Variants in FAM169A observed in about 807,000 individuals in gnomAD.
The protein encoded by FAM169A is family with sequence similarity 169 member A, also known as soluble lamin-associated protein of 75 kDa.
In FAM169A, 24 loss-of-function variants were observed where a neutral mutation model predicts 75.7. The ratio of observed to expected loss-of-function variants is 0.32; its 90% CI spans 0.23 to 0.45. The LOEUF (loss-of-function observed/expected upper bound fraction) is 0.45, where lower values mean the gene tolerates loss of function less well. Among genes scored for constraint, FAM169A ranks in the 20% least tolerant of loss-of-function variants. The probability of loss-of-function intolerance (pLI) is 1.00; values close to 1 mark genes in which losing one functional copy is unlikely to be tolerated. For synonymous variants in FAM169A, 271 were observed against 271.0 expected (o/e 1.00, Z 0.00); for missense variants, 673 against 784.0 (o/e 0.86, Z 1.69).
At chr5:74,812,702 A>ATAAC (rs1238213296) in intron 6 of FAM169A, among the ~76,000 whole-genome samples, 1 of 152,230 alleles carries the variant, frequency 6.6e-6, no homozygotes, top group Admixed American at 6.5e-5. Flanking sequence ...AGATATACAA[A>ATAAC]TAACCATTAA....
chr5:74,864,879 A>C (rs925435136), intron 1 of FAM169A, among the ~76,000 whole-genome samples: 1 of 152,256 alleles, frequency 6.6e-6, no homozygotes, highest in Non-Finnish European at 1.5e-5. Flanking sequence ...GCAAAACTAA[A>C]ACACTAAAAA....
intron 10 of FAM169A, among the ~76,000 whole-genome samples, chr5:74,796,396 A>G (rs1218547186): frequency 2.0e-5 from 3 of 150,288 alleles, no homozygotes; most frequent in Non-Finnish European, 4.4e-5. Context: ...TATTCTATCC[A>G]TATCTTAATG....
chr5:74,797,817 T>C (rs979713278), intron 10 of FAM169A, among the ~76,000 whole-genome samples: 3 of 152,166 alleles, frequency 2.0e-5, no homozygotes, highest in Admixed American at 2.0e-4. Flanking sequence ...TCGTGGGCCA[T>C]ATGGTCTCTG....
chr5:74,815,718 C>A (rs548005843), intron 5 of FAM169A, among the ~76,000 whole-genome samples: 1 of 152,238 alleles, frequency 6.6e-6, no homozygotes, highest in East Asian at 1.9e-4. Flanking sequence ...GTCATAAACA[C>A]CCTGCTGATA....
intron 10 of FAM169A, chr5:74,799,975 C>T: frequency 1.2e-6 from 1 of 805,578 alleles, no homozygotes; most frequent in Admixed American, 1.7e-5. Flanking sequence ...AATAGCATCA[C>T]TCAAGTCTCT....
intron 6 of FAM169A, among the ~76,000 whole-genome samples, chr5:74,808,544 T>C (rs11739122): frequency 0.23 from 35,376 of 152,004 alleles, 4,339 homozygotes; most frequent in Middle Eastern, 0.31. Context: ...TTGAAAAGCT[T>C]TGGATATAGA....
At chr5:74,866,915 T>A (rs1054327645), upstream of FAM169A, 58 of 985,508 alleles carry the variant, frequency 5.9e-5, no homozygotes, top group Middle Eastern at 2.1e-3. Flanking sequence ...ATCCTAAACC[T>A]ACTGCCACTT....
chr5:74,801,600 G>GCTT lies in FAM169A; in HGVS notation c.939_941dup (p.Ala313_Ser314insArg). 1 of 1,608,360 alleles carries GCTT rather than the reference G, an allele frequency of 6.2e-7. No homozygotes were observed. Among genetic ancestry groups the GCTT allele is most frequent in the African/African-American group, 1.3e-5 (1 of 74,624 alleles). ...AGTTGAATTTCTTACCTTCGGAAGT[G>GCTT]CTTGCAAAGGCATCTTTTAGAGAAT... is the stretch of plus-strand genomic sequence containing the variant. On this transcript the variant is annotated inframe_insertion, in exon 9 of 13. Transcript: ENST00000687041.
intron 10 of FAM169A, among the ~76,000 whole-genome samples, chr5:74,798,659 A>G (rs1475719829): frequency 2.0e-5 from 3 of 152,362 alleles, no homozygotes; most frequent in South Asian, 4.1e-4. Context: ...ACTCAGGAAC[A>G]GTTGGCAGAA....
intron 5 of FAM169A, among the ~76,000 whole-genome samples, chr5:74,814,393 T>C (rs1472773231): frequency 6.6e-6 from 1 of 152,170 alleles, no homozygotes; most frequent in Non-Finnish European, 1.5e-5. Context: ...ATTTGAAGAC[T>C]ATCATTCCAA....
At position 74,781,706 on chromosome 5, in the gene FAM169A, A is replaced by G. The variant is rs1580066017; in HGVS notation, c.1767T>C (p.Ser589=). The G allele has an allele frequency of 4.0e-5, 64 of 1,613,942 alleles. No homozygotes were observed. The East Asian group carries it at 1.4e-3, about 35-fold the overall frequency. Residue 589 remains serine (S), a synonymous_variant, in exon 13 of 13, where the codon AGT becomes AGC. Transcript: ENST00000687041. Reference sequence around the variant, plus strand: ...CTTCAAGTTCAACCTCTATCAAAGAACTCTGAGGAAGAGCAGTAGATGTTT... The same window carrying G: ...CTTCAAGTTCAACCTCTATCAAAGAGCTCTGAGGAAGAGCAGTAGATGTTT... ...PQETSTALPQ[S]SLIEVELEDV...
intron 1 of FAM169A, among the ~76,000 whole-genome samples, chr5:74,857,601 A>AAAAC (rs1749790936): frequency 6.7e-6 from 1 of 150,122 alleles, no homozygotes; most frequent in Non-Finnish European, 1.5e-5. Context: ...AAAAAAAAAA[A>AAAAC]AAACTTCCCT....
Position 74,813,289 on chromosome 5 carries a change from A to C in FAM169A, c.670+551T>G, listed in dbSNP as rs58774313. ...AAAAACCACTGAATTGTACACTTTT[A>C]ACAGGGCAAATATTATGGCATATGT... On this transcript the variant is annotated intron_variant, in intron 6 of 12. Transcript: ENST00000687041. Among the ~76,000 whole-genome samples the C allele has an allele frequency of 5.2e-3, 796 of 152,200 alleles. 3 individuals are homozygous for C. Among genetic ancestry groups the C allele is most frequent in the African/African-American group, 0.018 (759 of 41,526 alleles).
chr5:74,863,372 T>C (rs1750141152), intron 1 of FAM169A, among the ~76,000 whole-genome samples: 2 of 152,188 alleles, frequency 1.3e-5, no homozygotes, highest in African/African-American at 4.8e-5. Flanking sequence ...CAAAAAATAA[T>C]GGCATGTGAA....
At chr5:74,811,052 G>A (rs1747169304) in intron 6 of FAM169A, among the ~76,000 whole-genome samples, 1 of 140,116 alleles carries the variant, frequency 7.1e-6, no homozygotes, top group East Asian at 2.2e-4. Context: ...GCACAATTTT[G>A]GCTCACCACA....
intron 1 of FAM169A, among the ~76,000 whole-genome samples, chr5:74,861,703 T>G (rs1308050771): frequency 6.6e-6 from 1 of 152,098 alleles, no homozygotes; most frequent in Admixed American, 6.6e-5. Flanking sequence ...CAATCCTCTC[T>G]TCTTCCTCTC....
At chr5:74,799,865 G>A in intron 10 of FAM169A, 2 of 1,018,664 alleles carry the variant, frequency 2.0e-6, no homozygotes. Flanking sequence ...TTCCAAAACA[G>A]AGCATCCAAC....
chr5:74,831,638 G>A (rs372762123), intron 5 of FAM169A, among the ~76,000 whole-genome samples: 16 of 152,062 alleles, frequency 1.1e-4, no homozygotes, highest in South Asian at 2.1e-4. Flanking sequence ...TCTTGTTGGC[G>A]CTCAGAATGT....
At chr5:74,857,210 G>A (rs1028990522) in intron 1 of FAM169A, among the ~76,000 whole-genome samples, 5 of 151,720 alleles carry the variant, frequency 3.3e-5, no homozygotes, top group African/African-American at 1.2e-4. Flanking sequence ...CACCAGATAA[G>A]GAACTGAAAT....
Sources: allele counts gnomAD v4.1 joint callset (sites outside exome capture counted in the v4.1 genomes callset), GRCh38; gene constraint gnomAD v4.1.1; transcripts MANE v1.5; gene names NCBI Gene and HGNC (gene_info 2026-07-23, HGNC 2026-07-21).